Variants in COX10 observed in about 807,000 individuals in gnomAD.
COX10 encodes the protein cytochrome c oxidase assembly factor heme A:farnesyltransferase COX10.
COX10 carries 27 observed loss-of-function variants against 37.3 expected under a neutral mutation model. The observed-to-expected ratio is 0.72, with a 90% CI of 0.53 to 1.00. The LOEUF (loss-of-function observed/expected upper bound fraction) is 1.00. Among genes scored for constraint, COX10 ranks in the 50% least tolerant of loss-of-function variants. The pLI is 0.00. For missense variants in COX10, 475 were observed against 563.2 expected, an observed-to-expected ratio of 0.84 and a Z score of 1.59; for synonymous variants, 222 against 229.1, an observed-to-expected ratio of 0.97 and a Z score of 0.28.
chr17:14,103,895 A>C (rs1479009259), intron 4 of COX10, among the ~76,000 whole-genome samples: 1 of 152,218 alleles, frequency 6.6e-6, no homozygotes, highest in African/African-American at 2.4e-5. Context: ...TTTTAAAAAT[A>C]CGGGGGAAAG....
intron 3 of COX10, among the ~76,000 whole-genome samples, chr17:14,097,174 A>G (rs904708952): frequency 2.6e-5 from 4 of 152,192 alleles, no homozygotes; most frequent in Non-Finnish European, 5.9e-5. Context: ...AAATCAATGG[A>G]AAGTTTAATT....
At position 14,206,632 on chromosome 17, in the gene COX10, G is replaced by A. The variant is rs756155508; in HGVS notation, c.929-178G>A. On this transcript the variant is annotated intron_variant, in intron 6 of 6. Transcript: ENST00000261643. ...TCTTAGCTCATCGGCTGCCCCACCA[G>A]CCTGATGTAGGCACCTGTCTCCCAG... Among the ~76,000 whole-genome samples, 8 of 152,262 alleles carry A rather than the reference G, an allele frequency of 5.3e-5. No homozygotes were observed. The East Asian group carries it at 7.8e-4, about 15-fold the overall frequency.
At chr17:14,124,949 G>A (rs1408177837) in intron 4 of COX10, among the ~76,000 whole-genome samples, 2 of 152,028 alleles carry the variant, frequency 1.3e-5, no homozygotes, top group African/African-American at 2.4e-5. Flanking sequence ...TTTCAATCTC[G>A]TTATTTTTTC....
At chr17:14,168,636 C>G (rs1033530774) in intron 5 of COX10, among the ~76,000 whole-genome samples, 2 of 152,224 alleles carry the variant, frequency 1.3e-5, no homozygotes, top group Non-Finnish European at 2.9e-5. Context: ...GGCCCAACAC[C>G]ATGTGGAAGC....
At chr17:14,199,555 G>A (rs1906465573) in intron 6 of COX10, among the ~76,000 whole-genome samples, 1 of 152,150 alleles carries the variant, frequency 6.6e-6, no homozygotes, top group Non-Finnish European at 1.5e-5. Context: ...GAGGGCGGCA[G>A]CACACAATGA....
At chr17:14,123,576 A>G (rs569947261) in intron 4 of COX10, among the ~76,000 whole-genome samples, 41 of 152,332 alleles carry the variant, frequency 2.7e-4, no homozygotes, top group African/African-American at 8.7e-4. Flanking sequence ...TATACAAATC[A>G]TAAAATTAGG....
chr17:14,077,986 A>G (rs1415878909), intron 3 of COX10, among the ~76,000 whole-genome samples: 1 of 150,868 alleles, frequency 6.6e-6, no homozygotes, highest in Non-Finnish European at 1.5e-5. Context: ...GGAGGTAACT[A>G]GACAACTTCT....
At chr17:14,111,753 C>T (rs1473064922) in intron 4 of COX10, among the ~76,000 whole-genome samples, 3 of 152,016 alleles carry the variant, frequency 2.0e-5, no homozygotes, top group Non-Finnish European at 4.4e-5. Flanking sequence ...TGTCATATTG[C>T]TGTCATTAGA....
chr17:14,206,776 T>A, intron 6 of COX10, 34 bp from the exon 7 acceptor site: 1 of 1,612,964 alleles, frequency 6.2e-7, no homozygotes. Context: ...GATGACTGCC[T>A]TTGTCTCCCT....
At chr17:14,109,756 C>G (rs1479371251) in intron 4 of COX10, among the ~76,000 whole-genome samples, 1 of 152,132 alleles carries the variant, frequency 6.6e-6, no homozygotes, top group Non-Finnish European at 1.5e-5. Flanking sequence ...TGCTGACATC[C>G]TTGCCACGGT....
intron 3 of COX10, among the ~76,000 whole-genome samples, chr17:14,090,503 A>G (rs1915503141): frequency 6.6e-6 from 1 of 152,190 alleles, no homozygotes; most frequent in Non-Finnish European, 1.5e-5. Flanking sequence ...AATGAAAAGA[A>G]GAATGCTGCA....
chr17:14,095,461 C>T (rs117272858), intron 3 of COX10, among the ~76,000 whole-genome samples: 2,089 of 152,284 alleles, frequency 0.014, 23 homozygotes, highest in Non-Finnish European at 0.018. Flanking sequence ...AAATTTTCCT[C>T]CACTCCAATC....
intron 4 of COX10, among the ~76,000 whole-genome samples, chr17:14,158,136 T>C (rs1453486861): frequency 6.6e-6 from 1 of 151,858 alleles, no homozygotes; most frequent in Admixed American, 6.6e-5. Flanking sequence ...TACTCAGAGT[T>C]TGTGAGTGAA....
intron 4 of COX10, among the ~76,000 whole-genome samples, chr17:14,150,085 A>G (rs927202091): frequency 1.3e-5 from 2 of 152,144 alleles, no homozygotes; most frequent in African/African-American, 4.8e-5. Context: ...CAGCCTGGAC[A>G]ATATGGTGAA....
At chr17:14,095,612 A>G (rs959295424) in intron 3 of COX10, among the ~76,000 whole-genome samples, 2 of 152,190 alleles carry the variant, frequency 1.3e-5, no homozygotes, top group African/African-American at 4.8e-5. Flanking sequence ...CACTGTTTCA[A>G]CAGGTAGAAG....
chr17:14,175,086 G>C lies in COX10; in HGVS notation c.695+15139G>C, dbSNP rs867832168. Among the ~76,000 whole-genome samples the C allele has an allele frequency of 2.6e-3, 134 of 51,364 alleles. 15 individuals carry two copies. The highest frequency in any genetic ancestry group is 0.013 in the East Asian group (33 of 2,452). 33.7% of individuals were successfully genotyped at this position (51,364 alleles called of 152,430 possible). On this transcript the variant is annotated intron_variant, in intron 5 of 6. Coordinates refer to ENST00000261643, the MANE Select transcript of COX10 (RefSeq NM_001303.4). ...ATCAGTGGTTACTGGGAAATAGCGG[G>C]GGGGGGGGGGGTGGATAGGAGGGAA...
intron 4 of COX10, among the ~76,000 whole-genome samples, chr17:14,131,019 C>G (rs1018434260): frequency 5.3e-5 from 8 of 152,110 alleles, no homozygotes; most frequent in Admixed American, 2.0e-4. Flanking sequence ...ACCACTATTC[C>G]TAGCAGCATG....
rs80168661 is a variant in COX10 at position 14,113,517 on chromosome 17, C to G, written c.624+11275C>G. ...AGTAAGTAATAGAATGTAGTTTTCT[C>G]TCTTATTTTCATGTTGAGAAAGTGA... On this transcript the variant is annotated intron_variant, in intron 4 of 6. Coordinates refer to ENST00000261643, the MANE Select transcript of COX10 (RefSeq NM_001303.4). 1.0e-2 allele frequency among the ~76,000 whole-genome samples: 1,517 copies of G among 152,210 alleles called. 18 individuals are homozygous for G. Among genetic ancestry groups the G allele is most frequent in the African/African-American group, 0.035 (1,436 of 41,544 alleles).
chr17:14,131,387 G>A (rs1056627938), intron 4 of COX10, among the ~76,000 whole-genome samples: 4 of 151,854 alleles, frequency 2.6e-5, no homozygotes, highest in African/African-American at 7.3e-5. Context: ...ATGCTAGAAG[G>A]CAGTATATAT....
Sources: allele counts gnomAD v4.1 joint callset (sites outside exome capture counted in the v4.1 genomes callset), GRCh38; gene constraint gnomAD v4.1.1; transcripts MANE v1.5; gene names NCBI Gene and HGNC (gene_info 2026-07-23, HGNC 2026-07-21).